Variants in PARN observed in about 807,000 individuals in gnomAD.
PARN encodes poly(A)-specific ribonuclease PARN.
A neutral mutation model predicts 102.8 loss-of-function variants in PARN; 71 were observed. The ratio of observed to expected loss-of-function variants is 0.69; its 90% CI spans 0.57 to 0.84. PARN has a LOEUF of 0.84. PARN is among the 40% of genes least tolerant of loss of function. PARN has a pLI of 0.00. For missense variants in PARN, 782 were observed against 760.9 expected, an observed-to-expected ratio of 1.03 and a Z score of -0.33; for synonymous variants, 261 against 252.9, an observed-to-expected ratio of 1.03 and a Z score of -0.30.
chr16:14,447,192 C>T (rs1961242689), intron 22 of PARN, 111 bp from the exon 23 acceptor site: 2 of 610,826 alleles, frequency 3.3e-6, no homozygotes, highest in East Asian at 6.2e-5. Context: ...CAGCCATCAA[C>T]AACATGGGCA....
chr16:14,465,272 C>T (rs565128997), intron 22 of PARN, among the ~76,000 whole-genome samples: 1 of 152,214 alleles, frequency 6.6e-6, no homozygotes, highest in African/African-American at 2.4e-5. Context: ...TTTGTAGAGA[C>T]AGAGTCTTTC....
intron 23 of PARN, among the ~76,000 whole-genome samples, chr16:14,443,340 CTTT>C (rs200799394): frequency 4.0e-4 from 56 of 139,036 alleles, no homozygotes; most frequent in Admixed American, 3.1e-3. Context: ...AAAGAGATTA[CTTT>C]TTTTTTTTTT....
intron 22 of PARN, among the ~76,000 whole-genome samples, chr16:14,482,315 C>A (rs902355496): frequency 6.6e-6 from 1 of 151,938 alleles, no homozygotes; most frequent in Non-Finnish European, 1.5e-5. Flanking sequence ...TCACTTGAGC[C>A]CAGGAGGTCG....
At chr16:14,473,770 G>A (rs1382156763) in intron 22 of PARN, among the ~76,000 whole-genome samples, 1 of 152,194 alleles carries the variant, frequency 6.6e-6, no homozygotes, top group Non-Finnish European at 1.5e-5. Context: ...TGAAATAGCA[G>A]TGGACAGTTG....
intron 13 of PARN, among the ~76,000 whole-genome samples, chr16:14,592,996 C>T (rs534586577): frequency 2.1e-4 from 32 of 152,098 alleles, no homozygotes; most frequent in African/African-American, 6.7e-4. Flanking sequence ...AGTAGCTGGG[C>T]GTGGTGACGG....
Position 14,436,521 on chromosome 16 carries a change from A to AATTAAAAT in PARN, c.*195_*196insATTTTAAT, listed in dbSNP as rs1960703635. 1.7e-6 allele frequency: 1 copy of AATTAAAAT among 603,376 alleles called. No individual in the cohort carries two copies. Among genetic ancestry groups the AATTAAAAT allele is most frequent in the Admixed American group, 2.9e-5 (1 of 34,294 alleles). The allele number at this position is 603,376 out of a possible 1,614,324, so 37.4% of individuals were successfully genotyped here. A position where few individuals can be genotyped will look rare whatever the true frequency, so the allele number is the denominator to read the frequency against. On this transcript the variant is annotated 3_prime_UTR_variant, in exon 24 of 24. Transcript: ENST00000437198. ...AACCGTGATGAGTGTCAATGTCAAC[A>AATTAAAAT]GGCAGTTAGATTAAAAAGGGGAAAA...
intron 21 of PARN, among the ~76,000 whole-genome samples, chr16:14,490,673 G>A (rs569436838): frequency 2.6e-5 from 4 of 152,244 alleles, no homozygotes; most frequent in South Asian, 4.1e-4. Context: ...ACCCACCAGC[G>A]TGAGGCCCTA....
chr16:14,511,592 C>T (rs1965192145), intron 21 of PARN, among the ~76,000 whole-genome samples: 1 of 152,136 alleles, frequency 6.6e-6, no homozygotes, highest in Non-Finnish European at 1.5e-5. Context: ...GAGACTGAGA[C>T]ATACGGTTCT....
intron 21 of PARN, among the ~76,000 whole-genome samples, chr16:14,497,297 T>C (rs1186010424): frequency 6.6e-6 from 1 of 152,032 alleles, no homozygotes; most frequent in Non-Finnish European, 1.5e-5. Context: ...TATGTGACAA[T>C]GTGCTTTGTG....
chr16:14,542,844 A>C (rs951949814), intron 21 of PARN, among the ~76,000 whole-genome samples: 1 of 152,124 alleles, frequency 6.6e-6, no homozygotes, highest in Non-Finnish European at 1.5e-5. Context: ...AAAACATCAA[A>C]AGATCTCCTA....
At chr16:14,579,677 A>G (rs1443457113) in intron 18 of PARN, among the ~76,000 whole-genome samples, 1 of 152,172 alleles carries the variant, frequency 6.6e-6, no homozygotes, top group Non-Finnish European at 1.5e-5. Context: ...GAACAATCAT[A>G]ATTGGACCTA....
intron 21 of PARN, among the ~76,000 whole-genome samples, chr16:14,505,394 G>A (rs371506396): frequency 3.3e-4 from 50 of 152,256 alleles, no homozygotes; most frequent in Admixed American, 5.9e-4. Context: ...GGAGGACCTC[G>A]AGCCCAGGAG....
intron 7 of PARN, 58 bp from the exon 8 acceptor site, chr16:14,609,181 C>A (rs947038276): frequency 2.5e-6 from 2 of 810,964 alleles, no homozygotes; most frequent in Admixed American, 2.7e-5. Flanking sequence ...AGTCATCAAC[C>A]AAGAAAATAA....
intron 3 of PARN, among the ~76,000 whole-genome samples, chr16:14,627,790 C>G (rs1051980491): frequency 6.6e-6 from 1 of 152,082 alleles, no homozygotes; most frequent in South Asian, 2.1e-4. Flanking sequence ...AAGTTCGAGA[C>G]CAGCCTGGTC....
intron 22 of PARN, among the ~76,000 whole-genome samples, chr16:14,475,226 C>A (rs150787017): frequency 1.8e-4 from 27 of 152,356 alleles, no homozygotes; most frequent in African/African-American, 5.8e-4. Flanking sequence ...TTTAGAAAAT[C>A]ATTCCCTTTA....
intron 21 of PARN, among the ~76,000 whole-genome samples, chr16:14,550,451 G>A (rs967431320): frequency 1.3e-5 from 2 of 151,998 alleles, no homozygotes; most frequent in Non-Finnish European, 2.9e-5. Context: ...TAACACTAAA[G>A]TCCATACTAT....
chr16:14,613,622 A>G (rs1198081629), intron 6 of PARN, among the ~76,000 whole-genome samples: 1 of 152,170 alleles, frequency 6.6e-6, no homozygotes, highest in Non-Finnish European at 1.5e-5. Flanking sequence ...GACAGTCTCA[A>G]AACAACAATA....
intron 21 of PARN, among the ~76,000 whole-genome samples, chr16:14,532,879 G>A (rs1330826631): frequency 2.6e-5 from 4 of 151,418 alleles, no homozygotes; most frequent in East Asian, 2.0e-4. Flanking sequence ...CCTCCCTCCC[G>A]GACAGGGCAG....
chr16:14,492,372 GAC>G (rs1428384661), intron 21 of PARN, among the ~76,000 whole-genome samples: 1 of 152,196 alleles, frequency 6.6e-6, no homozygotes, highest in Non-Finnish European at 1.5e-5. Flanking sequence ...TGCTTACAGA[GAC>G]ACAGAGTGCA....
Sources: allele counts gnomAD v4.1 joint callset (sites outside exome capture counted in the v4.1 genomes callset), GRCh38; gene constraint gnomAD v4.1.1; transcripts MANE v1.5; gene names NCBI Gene and HGNC (gene_info 2026-07-23, HGNC 2026-07-21).